NAALADL2: variants seen among roughly 807,000 people sequenced by gnomAD.
The protein encoded by NAALADL2 is N-acetylated alpha-linked acidic dipeptidase like 2.
In NAALADL2, 76 loss-of-function variants were observed where a neutral mutation model predicts 87.2. The observed-to-expected ratio is 0.87, with a 90% CI of 0.72 to 1.05. The LOEUF (loss-of-function observed/expected upper bound fraction) is 1.05, where lower values mean the gene tolerates loss of function less well. Among genes scored for constraint, NAALADL2 ranks in the 50% least tolerant of loss-of-function variants. NAALADL2 has a pLI of 0.00. For synonymous variants in NAALADL2, 354 were observed against 331.0 expected (o/e 1.07, Z -0.75); for missense variants, 1,089 against 945.8 (o/e 1.15, Z -1.99).
At chr3:175,761,774 G>A (rs922501303) in intron 13 of NAALADL2, among the ~76,000 whole-genome samples, 2 of 152,064 alleles carry the variant, frequency 1.3e-5, no homozygotes, top group African/African-American at 4.8e-5. Flanking sequence ...CTTTTCATAT[G>A]CTTATTTGCC....
chr3:174,737,396 CAA>C (rs1324049575), intron 2 of NAALADL2, among the ~76,000 whole-genome samples: 1 of 152,116 alleles, frequency 6.6e-6, no homozygotes, highest in Non-Finnish European at 1.5e-5. Context: ...AAAATGAAAT[CAA>C]GGGAGAAAAG....
At chr3:174,701,691 A>T (rs1373498130) in intron 2 of NAALADL2, among the ~76,000 whole-genome samples, 2 of 152,106 alleles carry the variant, frequency 1.3e-5, no homozygotes, top group Non-Finnish European at 2.9e-5. Context: ...AGAATTTTAT[A>T]TGAATGGAAT....
chr3:175,304,783 A>G (rs1757492344), intron 4 of NAALADL2, among the ~76,000 whole-genome samples: 1 of 152,192 alleles, frequency 6.6e-6, no homozygotes, highest in Non-Finnish European at 1.5e-5. Context: ...AATGCTGCAG[A>G]TACTATAATG....
intron 2 of NAALADL2, among the ~76,000 whole-genome samples, chr3:174,658,988 T>C (rs1307956116): frequency 6.6e-6 from 1 of 152,202 alleles, no homozygotes; most frequent in African/African-American, 2.4e-5. Flanking sequence ...CTTGAAATAA[T>C]TGATGGTCTC....
chr3:175,095,530 A>T (rs1425099316), intron 1 of NAALADL2, among the ~76,000 whole-genome samples: 1 of 151,986 alleles, frequency 6.6e-6, no homozygotes, highest in Non-Finnish European at 1.5e-5. Flanking sequence ...TTATTTTATA[A>T]AATTTAATAT....
chr3:175,498,570 A>G (rs547229445), intron 9 of NAALADL2, among the ~76,000 whole-genome samples: 17 of 152,230 alleles, frequency 1.1e-4, no homozygotes, highest in African/African-American at 2.9e-4. Context: ...TATAAAGTTC[A>G]GGATCTATCT....
intron 11 of NAALADL2, among the ~76,000 whole-genome samples, chr3:175,726,496 C>T (rs963144862): frequency 2.0e-5 from 3 of 152,192 alleles, no homozygotes; most frequent in East Asian, 1.9e-4. Context: ...CCTTGCCCCT[C>T]GAATGGGAAG....
chr3:175,603,501 C>A (rs1430989702), intron 10 of NAALADL2, among the ~76,000 whole-genome samples: 1 of 152,156 alleles, frequency 6.6e-6, no homozygotes, highest in Admixed American at 6.5e-5. Flanking sequence ...CCCTGACAAC[C>A]ACCTGTTAGT....
chr3:174,772,075 GTAAT>G (rs1714641621), intron 3 of NAALADL2, among the ~76,000 whole-genome samples: 1 of 152,036 alleles, frequency 6.6e-6, no homozygotes, highest in Non-Finnish European at 1.5e-5. Context: ...ATGATCATTG[GTAAT>G]TGATGAATAT....
intron 3 of NAALADL2, among the ~76,000 whole-genome samples, chr3:174,783,164 A>G (rs571142142): frequency 1.3e-5 from 2 of 152,202 alleles, no homozygotes; most frequent in East Asian, 1.9e-4. Flanking sequence ...AATTTGCATC[A>G]TCTTAAACAT....
At chr3:175,605,672 A>G in intron 10 of NAALADL2, among the ~76,000 whole-genome samples, 2 of 71,986 alleles carry the variant, frequency 2.8e-5, no homozygotes, top group South Asian at 1.0e-3. Flanking sequence ...TATTTAGATA[A>G]CACGTAATTA....
At chr3:174,905,565 A>G (rs967071041) in intron 1 of NAALADL2, among the ~76,000 whole-genome samples, 11 of 152,062 alleles carry the variant, frequency 7.2e-5, no homozygotes, top group African/African-American at 2.7e-4. Context: ...AAACTTTAAA[A>G]ATAAAAACAT....
chr3:175,437,860 G>T (rs1305893004), intron 5 of NAALADL2, among the ~76,000 whole-genome samples: 1 of 151,828 alleles, frequency 6.6e-6, no homozygotes, highest in Non-Finnish European at 1.5e-5. Context: ...TGGGAATATT[G>T]CTTTCCACTC....
In NAALADL2 at chr3:175,324,222, C is replaced by G. The variant is rs772248570; in HGVS notation, c.987C>G (p.Ile329Met). ...GATTTGGAGGTGTTCTTCTGTATAT[C>G]GATCCTTGTGATTTGCCAAAGACTG... ...KAGFGGVLLY[I>M]DPCDLPKTVN... The change falls in exon 5 of 14, where the codon ATC (isoleucine) becomes ATG (methionine). Residue 329 changes from isoleucine to methionine, a missense_variant. Transcript: ENST00000454872. 4 of 1,613,380 alleles carry G rather than the reference C, an allele frequency of 2.5e-6. No homozygotes were observed. Among genetic ancestry groups the G allele is most frequent in the Middle Eastern group, 1.6e-4 (1 of 6,084 alleles).
chr3:175,343,449 C>G lies in NAALADL2; in HGVS notation c.1090+19124C>G, dbSNP rs552804216. Among the ~76,000 whole-genome samples, 4 of 152,016 alleles carry G rather than the reference C, an allele frequency of 2.6e-5. No individual in the cohort carries two copies. The South Asian group carries it at 6.2e-4, about 24-fold the overall frequency. On this transcript the variant is annotated intron_variant, in intron 5 of 13. Coordinates refer to ENST00000454872, the MANE Select transcript of NAALADL2 (RefSeq NM_207015.3). The stretch of plus-strand genomic sequence containing the variant: ...ATAGAAATTACAATACCTTAAAAAA[C>G]TTTCTGAATTGTGTTGATGTTCACC...
intron 3 of NAALADL2, among the ~76,000 whole-genome samples, chr3:174,791,577 G>A (rs1213939745): frequency 6.6e-6 from 1 of 152,148 alleles, no homozygotes; most frequent in Non-Finnish European, 1.5e-5. Flanking sequence ...TACAGCAGCA[G>A]TCCAAATGGA....
chr3:174,734,458 C>T (rs987665530), intron 2 of NAALADL2, among the ~76,000 whole-genome samples: 3 of 152,122 alleles, frequency 2.0e-5, no homozygotes, highest in African/African-American at 7.2e-5. Context: ...ATCAAAGTTC[C>T]AACCAGTTTT....
intron 1 of NAALADL2, among the ~76,000 whole-genome samples, chr3:175,019,849 A>G (rs1751347166): frequency 6.6e-6 from 1 of 152,134 alleles, no homozygotes; most frequent in Non-Finnish European, 1.5e-5. Flanking sequence ...TCCAAAAGTT[A>G]CATATCTGAT....
intron 12 of NAALADL2, among the ~76,000 whole-genome samples, chr3:175,738,610 C>T (rs1392700523): frequency 1.3e-5 from 2 of 151,984 alleles, no homozygotes. Flanking sequence ...TCCATTTTTC[C>T]CCCTCAATAC....
Sources: gnomAD v4.1 joint callset for allele counts (sites outside exome capture counted in the v4.1 genomes callset) on GRCh38, gnomAD v4.1.1 for gene constraint, MANE v1.5 for transcripts, NCBI Gene and HGNC (gene_info 2026-07-23, HGNC 2026-07-21) for gene names.